The following ZBTB25 variants were observed in gnomAD, a reference collection of about 807,000 sequenced individuals.
ZBTB25 encodes the protein zinc finger and BTB domain containing 25.
ZBTB25 carries 20 observed loss-of-function variants against 34.2 expected under a neutral mutation model. The observed-to-expected ratio is 0.58, with a 90% CI of 0.41 to 0.85. ZBTB25 has a LOEUF of 0.85. Ranked by LOEUF, ZBTB25 falls within the 40% of genes least tolerant of loss-of-function variation. The pLI is 0.00. For synonymous variants in ZBTB25, 175 were observed against 186.4 expected (o/e 0.94, Z 0.50); for missense variants, 437 against 521.8 (o/e 0.84, Z 1.58).
rs565206627 is a variant in ZBTB25, at chr14:64,454,839, C to T, written c.174-5201G>A. ...TGCCCATTCGCGACATCCGCGCCAG[C>T]GTTGGGGCTGGTTTTCTGTACCCCT... On this transcript the variant is annotated intron_variant, in intron 2 of 2. Transcript: ENST00000555220. 4.6e-5 allele frequency: 75 copies of T among 1,614,196 alleles called. No individual in the cohort carries two copies. Among genetic ancestry groups the T allele is most frequent in the Non-Finnish European group, 5.6e-5 (66 of 1,180,024 alleles).
At chr14:64,477,973 A>C (rs2078735252), downstream of ZBTB25, 1 of 152,386 alleles carries the variant, frequency 6.6e-6, no homozygotes, top group Non-Finnish European at 1.5e-5. Flanking sequence ...GACAGTGGGA[A>C]CACACCATTT....
chr14:64,475,374 G>A (rs1260833966), downstream of ZBTB25, among the ~76,000 whole-genome samples: 3 of 151,920 alleles, frequency 2.0e-5, no homozygotes, highest in Non-Finnish European at 4.4e-5. Flanking sequence ...GGGAGGCAGA[G>A]CTTGCAGTGA....
At position 64,486,818 on chromosome 14, in the gene ZBTB25, G is replaced by A; in HGVS notation, c.*105C>T. 6.9e-7 allele frequency: 1 copy of A among 1,450,458 alleles called. No individual in the cohort carries two copies. The allele number at this position is 1,450,458 out of a possible 1,614,324, so 89.8% of individuals were successfully genotyped here. ...CTTAAAACCATGGATAAGCTGTGAAGAAAAAAAGTCAATGAAACTTGAGGA... is the reference window on the plus strand; with the variant it reads ...CTTAAAACCATGGATAAGCTGTGAAAAAAAAAAGTCAATGAAACTTGAGGA... On this transcript the variant is annotated 3_prime_UTR_variant, in exon 3 of 3. Transcript: ENST00000608382.
At chr14:64,502,481 G>T in intron 1 of ZBTB25, 1 of 212,646 alleles carries the variant, frequency 4.7e-6, no homozygotes, top group Non-Finnish European at 8.1e-6. Context: ...AACCAATGCT[G>T]CAAATAATAG....
In ZBTB25 at chr14:64,503,710, G is replaced by C. The variant is rs1014464712; in HGVS notation, c.-57C>G. The C allele has an allele frequency of 2.9e-6, 2 of 700,676 alleles. No homozygotes were observed. Among genetic ancestry groups the C allele is most frequent in the East Asian group, 1.3e-4 (1 of 7,500 alleles). The allele number at this position is 700,676 out of a possible 1,614,324, so 43.4% of individuals were successfully genotyped here. A position where few individuals can be genotyped will look rare whatever the true frequency, so the allele number is the denominator to read the frequency against. On this transcript the variant is annotated 5_prime_UTR_variant, in exon 1 of 3. Transcript: ENST00000608382. The stretch of plus-strand genomic sequence containing the variant: ...CGACTCCTCCGTGCAGGAGGGGCGG[G>C]CTCCCAAGCCGCGCACTGCAAGCAG...
At chr14:64,458,066 T>A in intron 2 of ZBTB25, 1 of 731,568 alleles carries the variant, frequency 1.4e-6, no homozygotes, top group Non-Finnish European at 2.5e-6. Context: ...AATTTTTTAT[T>A]TCCTGTAGAG....
At chr14:64,492,586 C>A (rs1332592375) in intron 1 of ZBTB25, among the ~76,000 whole-genome samples, 1 of 149,182 alleles carries the variant, frequency 6.7e-6, no homozygotes, top group Non-Finnish European at 1.5e-5. Context: ...CTTAAACTAG[C>A]CTGATAAGTT....
intron 2 of ZBTB25, among the ~76,000 whole-genome samples, chr14:64,459,605 T>C (rs1207775664): frequency 6.6e-6 from 1 of 152,204 alleles, no homozygotes; most frequent in East Asian, 1.9e-4. Flanking sequence ...TTCAAGTCCA[T>C]TTATGGACAC....
At position 64,485,179 on chromosome 14, in the gene ZBTB25, G is replaced by T. The variant is rs2078844798; in HGVS notation, c.*1744C>A. ...CCTAGAGAAAACCTTTGTGTCCTTA[G>T]AATTAGCTGGATTACTCTTTGAGCT... On this transcript the variant is annotated 3_prime_UTR_variant, in exon 3 of 3. Coordinates refer to ENST00000608382, the MANE Select transcript of ZBTB25 (RefSeq NM_006977.5). 1 of 985,294 alleles carries T rather than the reference G, an allele frequency of 1.0e-6. No individual in the cohort carries two copies. Among genetic ancestry groups the T allele is most frequent in the Non-Finnish European group, 1.2e-6 (1 of 829,938 alleles). The allele number at this position is 985,294 out of a possible 1,614,324, so 61.0% of individuals were successfully genotyped here.
At chr14:64,467,631 G>A (rs1469649283) in intron 2 of ZBTB25, 2 of 151,732 alleles carry the variant, frequency 1.3e-5, no homozygotes, top group Non-Finnish European at 2.9e-5. Context: ...TCTAACTCTG[G>A]CTATGACCTT....
exon 3 of ZBTB25, chr14:64,449,321 C>G: frequency 8.5e-7 from 1 of 1,171,312 alleles, no homozygotes; most frequent in Non-Finnish European, 1.3e-6. Flanking sequence ...CAAACCCAGG[C>G]CAAATTTCTT....
Position 64,483,437 on chromosome 14 carries a change from C to G in ZBTB25, c.*3486G>C, listed in dbSNP as rs1566594348. On this transcript the variant is annotated 3_prime_UTR_variant, in exon 3 of 3. Coordinates refer to ENST00000608382, the MANE Select transcript of ZBTB25 (RefSeq NM_006977.5). Reference sequence around the variant, plus strand: ...GGATTACAGGTGTGTGCCACCACACCCGGCTAATTTTTTGTATTTTTAGTA... The same window carrying G: ...GGATTACAGGTGTGTGCCACCACACGCGGCTAATTTTTTGTATTTTTAGTA... 1 of 152,084 alleles carries G rather than the reference C, an allele frequency of 6.6e-6. No homozygotes were observed. The highest frequency in any genetic ancestry group is 6.6e-5 in the Admixed American group (1 of 15,252). The allele number at this position is 152,084 out of a possible 1,614,324, so 9.4% of individuals were successfully genotyped here. A position where few individuals can be genotyped will look rare whatever the true frequency, so the allele number is the denominator to read the frequency against.
In ZBTB25 at chr14:64,480,015, T is replaced by A. The variant is rs76538986; in HGVS notation, c.*6908A>T. The A allele has an allele frequency of 0.025, 3,869 of 156,688 alleles. 54 individuals carry two copies. The highest frequency in any genetic ancestry group is 0.052 in the Middle Eastern group (16 of 306). The allele number at this position is 156,688 out of a possible 1,614,324, so 9.7% of individuals were successfully genotyped here. ...TTACTGGGGGCAAAAGGCGATACAG[T>A]AGACTGTAAATAGAGAAGAAAGAAG... On this transcript the variant is annotated 3_prime_UTR_variant, in exon 3 of 3. Coordinates refer to ENST00000608382, the MANE Select transcript of ZBTB25 (RefSeq NM_006977.5).
chr14:64,468,192 A>G (rs996198247), intron 2 of ZBTB25: 31 of 378,510 alleles, frequency 8.2e-5, no homozygotes, highest in Middle Eastern at 7.5e-4. Flanking sequence ...GAAATTAAAG[A>G]GAGAAATTAC....
downstream of ZBTB25, chr14:64,474,035 T>G (rs2078698984): frequency 6.0e-6 from 1 of 167,096 alleles, no homozygotes; most frequent in African/African-American, 2.4e-5. Context: ...CTAACACTAT[T>G]TGATAAGGGA....
At chr14:64,464,554 C>T (rs1030584574) in intron 2 of ZBTB25, among the ~76,000 whole-genome samples, 16 of 152,138 alleles carry the variant, frequency 1.1e-4, no homozygotes, top group Non-Finnish European at 1.9e-4. Context: ...ATTTACACTC[C>T]CTAAGGTCGT....
intron 1 of ZBTB25, among the ~76,000 whole-genome samples, chr14:64,495,704 C>T (rs1181474444): frequency 6.6e-6 from 1 of 152,238 alleles, no homozygotes; most frequent in Non-Finnish European, 1.5e-5. Context: ...TGCCTGTAAT[C>T]CCAGAACTTT....
chr14:64,500,454 C>CA (rs374975040), intron 1 of ZBTB25, among the ~76,000 whole-genome samples: 4,327 of 52,116 alleles, frequency 0.083, 483 homozygotes, highest in African/African-American at 0.24. Context: ...CCCAATAAAG[C>CA]AAAAAAAAAA....
intron 2 of ZBTB25, among the ~76,000 whole-genome samples, chr14:64,453,584 A>G (rs1031526540): frequency 1.3e-5 from 2 of 152,140 alleles, no homozygotes; most frequent in Admixed American, 6.5e-5. Context: ...AAACAAAAAG[A>G]AAGTGTTCTT....
Sources: allele counts gnomAD v4.1 joint callset (sites outside exome capture counted in the v4.1 genomes callset), GRCh38; gene constraint gnomAD v4.1.1; transcripts MANE v1.5; gene names NCBI Gene and HGNC (gene_info 2026-07-23, HGNC 2026-07-21).